Variants in ANKRD28 observed in about 807,000 individuals in gnomAD.
The protein encoded by ANKRD28 is serine/threonine-protein phosphatase 6 regulatory ankyrin repeat subunit A.
A neutral mutation model predicts 126.5 loss-of-function variants in ANKRD28; 44 were observed. The ratio of observed to expected loss-of-function variants is 0.35; its 90% CI spans 0.27 to 0.45. ANKRD28 has a LOEUF of 0.45. Among genes scored for constraint, ANKRD28 ranks in the 20% least tolerant of loss-of-function variants. The pLI is 1.00. For missense variants in ANKRD28, 1,110 were observed against 1,316.6 expected (o/e 0.84, Z 2.43); for synonymous variants, 442 against 468.5 (o/e 0.94, Z 0.73).
At chr3:15,740,765 G>T (rs2075396078) in intron 4 of ANKRD28, among the ~76,000 whole-genome samples, 2 of 152,252 alleles carry the variant, frequency 1.3e-5, no homozygotes, top group Middle Eastern at 3.4e-3. Context: ...TAAAAAGCAA[G>T]AACAAATCTG....
chr3:15,835,468 C>T (rs193208629), intron 1 of ANKRD28, among the ~76,000 whole-genome samples: 45 of 152,308 alleles, frequency 3.0e-4, no homozygotes, highest in African/African-American at 1.0e-3. Flanking sequence ...GGTAGATTCA[C>T]GTTCCTCTTA....
chr3:15,858,904 G>C (rs747357373), intron 1 of ANKRD28, among the ~76,000 whole-genome samples: 5 of 152,224 alleles, frequency 3.3e-5, no homozygotes, highest in Non-Finnish European at 4.4e-5. Flanking sequence ...AACTTGCATT[G>C]AGTAACTAGT....
At position 15,685,495 on chromosome 3, in the gene ANKRD28, C is replaced by T. The variant is rs370675026; in HGVS notation, c.2170-50G>A. The T allele has an allele frequency of 4.9e-5, 77 of 1,559,114 alleles. No homozygotes were observed. The African/African-American group carries it at 9.3e-4, about 19-fold the overall frequency. On this transcript the variant is annotated intron_variant, in intron 20 of 27. Coordinates refer to ENST00000683139, the MANE Select transcript of ANKRD28 (RefSeq NM_001349278.2). ...GTCAAACATATTATGCTAAACATTA[C>T]ATGCCAATTTCAGCTAATTAAAAAC...
intron 1 of ANKRD28, among the ~76,000 whole-genome samples, chr3:15,836,856 G>A (rs1019422416): frequency 8.0e-5 from 12 of 150,890 alleles, no homozygotes; most frequent in East Asian, 3.9e-4. Flanking sequence ...AGGCCGAGGC[G>A]GGCAGATCAC....
At chr3:15,782,751 GAACT>G (rs1344283310) in intron 2 of ANKRD28, among the ~76,000 whole-genome samples, 5 of 152,194 alleles carry the variant, frequency 3.3e-5, no homozygotes, top group Admixed American at 2.6e-4. Flanking sequence ...CAAACAATCA[GAACT>G]AACTGAGTTT....
intron 1 of ANKRD28, among the ~76,000 whole-genome samples, chr3:15,810,715 TC>T (rs1371667459): frequency 6.7e-6 from 1 of 150,240 alleles, no homozygotes; most frequent in African/African-American, 2.5e-5. Context: ...TTTTTTTTTT[TC>T]CCCTAAGTAA....
Position 15,797,803 on chromosome 3 carries a change from A to G in ANKRD28, c.-1282T>C. 1.0e-6 allele frequency: 1 copy of G among 985,422 alleles called. No individual in the cohort carries two copies. The highest frequency in any genetic ancestry group is 1.2e-6 in the Non-Finnish European group (1 of 829,936). The allele number at this position is 985,422 out of a possible 1,614,324, so 61.0% of individuals were successfully genotyped here. A position where few individuals can be genotyped will look rare whatever the true frequency, so the allele number is the denominator to read the frequency against. On this transcript the variant is annotated 5_prime_UTR_variant, in exon 1 of 28. Coordinates refer to ENST00000683139, the MANE Select transcript of ANKRD28 (RefSeq NM_001349278.2). ...CAAATGCTTTCCTGTTCCTCAGATG[A>G]TCTTGCAAAACACCACTGACATCCC...
intron 1 of ANKRD28, among the ~76,000 whole-genome samples, chr3:15,810,623 C>T (rs955759855): frequency 6.6e-6 from 1 of 151,218 alleles, no homozygotes; most frequent in Non-Finnish European, 1.5e-5. Flanking sequence ...AAATAGAAGA[C>T]TTTTTTTCTT....
At chr3:15,693,605 A>ATGC (rs56816346) in intron 17 of ANKRD28, among the ~76,000 whole-genome samples, 6,402 of 151,990 alleles carry the variant, frequency 0.042, 438 homozygotes, top group African/African-American at 0.14. Flanking sequence ...TATAATGAGA[A>ATGC]TGCTGCTGCT....
intron 4 of ANKRD28, among the ~76,000 whole-genome samples, chr3:15,741,514 G>C (rs1028626742): frequency 6.6e-6 from 1 of 152,022 alleles, no homozygotes; most frequent in African/African-American, 2.4e-5. Flanking sequence ...AAGAAATGCT[G>C]CTGGTGTGTC....
At chr3:15,775,151 A>C in intron 2 of ANKRD28, among the ~76,000 whole-genome samples, 1 of 152,270 alleles carries the variant, frequency 6.6e-6, no homozygotes, top group East Asian at 1.9e-4. Context: ...TGGTGGGATT[A>C]CAGGCGTGAG....
Position 15,670,096 on chromosome 3 carries a change from T to C in ANKRD28, c.*174A>G. The C allele has an allele frequency of 1.5e-6, 1 of 652,350 alleles. No individual in the cohort carries two copies. Among genetic ancestry groups the C allele is most frequent in the Non-Finnish European group, 2.5e-6 (1 of 392,768 alleles). 40.4% of individuals were successfully genotyped at this position (652,350 alleles called of 1,614,324 possible). Reference sequence around the variant, plus strand: ...CTATTTCAAGATTCTAGAAGTTCCTTTTGTAAAACTTGCCTTTAAAACTCT... The same window carrying C: ...CTATTTCAAGATTCTAGAAGTTCCTCTTGTAAAACTTGCCTTTAAAACTCT... On this transcript the variant is annotated 3_prime_UTR_variant, in exon 28 of 28. Transcript: ENST00000683139.
intron 2 of ANKRD28, among the ~76,000 whole-genome samples, chr3:15,793,279 T>C (rs2060116113): frequency 6.6e-6 from 1 of 152,160 alleles, no homozygotes; most frequent in Non-Finnish European, 1.5e-5. Flanking sequence ...ATTCAAATAA[T>C]GGCCAAAAAG....
At chr3:15,762,877 T>C (rs1291290339) in intron 3 of ANKRD28, among the ~76,000 whole-genome samples, 2 of 152,214 alleles carry the variant, frequency 1.3e-5, no homozygotes, top group African/African-American at 4.8e-5. Flanking sequence ...TATTCCCATT[T>C]TTTTAGATGA....
chr3:15,720,619 T>G (rs776105255), intron 8 of ANKRD28, among the ~76,000 whole-genome samples: 3 of 152,156 alleles, frequency 2.0e-5, no homozygotes, highest in Non-Finnish European at 4.4e-5. Context: ...ATAACGTCCC[T>G]TCATGCCCCT....
chr3:15,749,093 A>ATTTTTTTTTT (rs1559466121), intron 4 of ANKRD28, among the ~76,000 whole-genome samples: 6 of 57,802 alleles, frequency 1.0e-4, no homozygotes, highest in East Asian at 2.7e-3. Flanking sequence ...ATTCTATATT[A>ATTTTTTTTTT]TGTTTTTGTT....
intron 13 of ANKRD28, among the ~76,000 whole-genome samples, chr3:15,709,094 G>A (rs2126038759): frequency 6.6e-6 from 1 of 152,242 alleles, no homozygotes; most frequent in South Asian, 2.1e-4. Context: ...CAACAATGAG[G>A]CCTGCTGAAT....
chr3:15,707,258 GA>G (rs61116421), intron 14 of ANKRD28, among the ~76,000 whole-genome samples: 74,874 of 150,378 alleles, frequency 0.5, 20,383 homozygotes, highest in Middle Eastern at 0.61. Flanking sequence ...CGTGCAAGAA[GA>G]AAAAAAAAAT....
intron 8 of ANKRD28, among the ~76,000 whole-genome samples, chr3:15,718,297 C>T (rs781542755): frequency 7.2e-5 from 11 of 152,160 alleles, no homozygotes; most frequent in Non-Finnish European, 1.5e-4. Context: ...AGATGACTTT[C>T]GTGAAATCTG....
Sources: gnomAD v4.1 joint callset for allele counts (sites outside exome capture counted in the v4.1 genomes callset) on GRCh38, gnomAD v4.1.1 for gene constraint, MANE v1.5 for transcripts, NCBI Gene and HGNC (gene_info 2026-07-23, HGNC 2026-07-21) for gene names.